The following RANBP17 variants were observed in gnomAD, a reference collection of about 807,000 sequenced individuals.
RANBP17 encodes the protein RAN binding protein 17, also known as ran-binding protein 17.
In RANBP17, 158 loss-of-function variants were observed where a neutral mutation model predicts 141.2. That is an observed-to-expected ratio of 1.12 (90% CI 0.98 to 1.28). The LOEUF is 1.28. RANBP17 is among the 50% of genes most tolerant of loss of function. RANBP17 has a pLI of 0.00. For synonymous variants in RANBP17, 430 were observed against 450.0 expected (o/e 0.96, Z 0.56); for missense variants, 1,438 against 1,290.7 (o/e 1.11, Z -1.75).
intron 22 of RANBP17, among the ~76,000 whole-genome samples, chr5:171,238,617 G>T (rs1362715832): frequency 3.9e-5 from 6 of 152,256 alleles, no homozygotes; most frequent in African/African-American, 1.4e-4. Flanking sequence ...CATCACATGG[G>T]TATACAGTGC....
At chr5:170,885,998 G>A (rs1769108798) in intron 3 of RANBP17, among the ~76,000 whole-genome samples, 1 of 151,782 alleles carries the variant, frequency 6.6e-6, no homozygotes, top group Admixed American at 6.6e-5. Context: ...TATTGTTTCA[G>A]GCTTGATGGC....
At chr5:171,221,936 T>A in intron 22 of RANBP17, 96 bp downstream of exon 22, 1 of 802,464 alleles carries the variant, frequency 1.2e-6, no homozygotes, top group Non-Finnish European at 2.0e-6. Flanking sequence ...AACTTTCATA[T>A]CTTTATGAAT....
chr5:170,897,542 T>A (rs1770239680), intron 5 of RANBP17, among the ~76,000 whole-genome samples: 1 of 152,014 alleles, frequency 6.6e-6, no homozygotes, highest in South Asian at 2.1e-4. Context: ...GTATTTCCCC[T>A]AATGCTATCC....
At chr5:171,268,057 A>G (rs1310033569) in intron 25 of RANBP17, among the ~76,000 whole-genome samples, 1 of 152,174 alleles carries the variant, frequency 6.6e-6, no homozygotes, top group East Asian at 1.9e-4. Flanking sequence ...TGGAACTGTT[A>G]CAACATGTTG....
chr5:171,239,305 A>G (rs997993561), intron 22 of RANBP17, among the ~76,000 whole-genome samples: 7 of 152,184 alleles, frequency 4.6e-5, no homozygotes, highest in African/African-American at 1.7e-4. Context: ...GGAACAGATC[A>G]AGGCAGATCA....
At chr5:170,868,298 G>T (rs1767438560) in intron 1 of RANBP17, among the ~76,000 whole-genome samples, 1 of 152,142 alleles carries the variant, frequency 6.6e-6, no homozygotes, top group Admixed American at 6.5e-5. Context: ...ACCCAGGCTG[G>T]AGTGCAGTGG....
intron 16 of RANBP17, among the ~76,000 whole-genome samples, chr5:171,172,346 C>T (rs1005363520): frequency 1.3e-5 from 2 of 151,786 alleles, no homozygotes; most frequent in African/African-American, 4.8e-5. Flanking sequence ...TTTATCACTA[C>T]AAATTTTGAG....
At chr5:171,107,250 CTCT>C (rs1162706026) in intron 14 of RANBP17, among the ~76,000 whole-genome samples, 2 of 152,196 alleles carry the variant, frequency 1.3e-5, no homozygotes, top group African/African-American at 2.4e-5. Flanking sequence ...TATTACACTG[CTCT>C]TCTTCTCTGT....
intron 14 of RANBP17, among the ~76,000 whole-genome samples, chr5:171,118,952 G>T (rs1188079778): frequency 6.6e-6 from 1 of 152,074 alleles, no homozygotes; most frequent in East Asian, 1.9e-4. Flanking sequence ...TACGACTTCA[G>T]TGCTATGTTG....
intron 14 of RANBP17, among the ~76,000 whole-genome samples, chr5:170,972,848 T>C (rs538261015): frequency 1.3e-5 from 2 of 152,344 alleles, no homozygotes; most frequent in East Asian, 1.9e-4. Flanking sequence ...ATTGTCATTA[T>C]ATGTGCTTTT....
intron 22 of RANBP17, among the ~76,000 whole-genome samples, chr5:171,229,759 GAA>G (rs758827854): frequency 0.031 from 2,721 of 88,266 alleles, 68 homozygotes; most frequent in African/African-American, 0.09. Flanking sequence ...GATGCAAAAG[GAA>G]AAAAAAAAAA....
chr5:171,236,687 A>G (rs1025266736), intron 22 of RANBP17, among the ~76,000 whole-genome samples: 1 of 152,178 alleles, frequency 6.6e-6, no homozygotes, highest in African/African-American at 2.4e-5. Flanking sequence ...TTACATTTAT[A>G]GAGCACTGTG....
chr5:171,154,749 A>C (rs1037771402), intron 14 of RANBP17, among the ~76,000 whole-genome samples: 1 of 152,160 alleles, frequency 6.6e-6, no homozygotes, highest in Admixed American at 6.5e-5. Flanking sequence ...TAACCTCAAG[A>C]AATCTAACCA....
chr5:171,079,424 G>A (rs1190885864), intron 14 of RANBP17, among the ~76,000 whole-genome samples: 1 of 152,208 alleles, frequency 6.6e-6, no homozygotes, highest in Non-Finnish European at 1.5e-5. Context: ...AGGTTTGAGA[G>A]CATTGACTCC....
At chr5:170,968,197 A>G in intron 13 of RANBP17, 45 bp from the exon 14 acceptor site, 1 of 1,372,422 alleles carries the variant, frequency 7.3e-7, no homozygotes, top group Non-Finnish European at 9.8e-7. Flanking sequence ...TTGTTTCTCT[A>G]AGGTTTTGTA....
At chr5:171,072,124 G>A (rs1341108512) in intron 14 of RANBP17, among the ~76,000 whole-genome samples, 2 of 152,142 alleles carry the variant, frequency 1.3e-5, no homozygotes, top group African/African-American at 4.8e-5. Flanking sequence ...GAGTGATGAT[G>A]TAGAAGAGGA....
intron 14 of RANBP17, among the ~76,000 whole-genome samples, chr5:171,030,364 A>G (rs1781479242): frequency 6.6e-6 from 1 of 152,078 alleles, no homozygotes; most frequent in African/African-American, 2.4e-5. Flanking sequence ...ATATTAGGAC[A>G]ACTAAGTTAG....
intron 16 of RANBP17, among the ~76,000 whole-genome samples, 176 bp from the exon 17 acceptor site, chr5:171,182,991 G>A (rs1760963100): frequency 6.6e-6 from 1 of 152,040 alleles, no homozygotes; most frequent in Non-Finnish European, 1.5e-5. Flanking sequence ...AATTGCATTG[G>A]TTAATAATAG....
intron 24 of RANBP17, chr5:171,252,118 C>T: frequency 1.3e-6 from 2 of 1,594,080 alleles, no homozygotes; most frequent in Non-Finnish European, 1.7e-6. Flanking sequence ...GTAATACCTC[C>T]CAAGAAGTTC....
Sources: allele counts gnomAD v4.1 joint callset (sites outside exome capture counted in the v4.1 genomes callset), GRCh38; gene constraint gnomAD v4.1.1; transcripts MANE v1.5; gene names NCBI Gene and HGNC (gene_info 2026-07-23, HGNC 2026-07-21).